Variants in IGF2BP3 observed in about 807,000 individuals in gnomAD.
The protein encoded by IGF2BP3 is insulin like growth factor 2 mRNA binding protein 3.
A neutral mutation model predicts 73.8 loss-of-function variants in IGF2BP3; 9 were observed. The observed-to-expected ratio is 0.12, with a 90% CI of 0.07 to 0.21. The LOEUF (loss-of-function observed/expected upper bound fraction) is 0.21. IGF2BP3 is among the 10% of genes least tolerant of loss of function. The pLI, the probability that IGF2BP3 is intolerant of heterozygous loss-of-function variation, is 1.00. For synonymous variants in IGF2BP3, 258 were observed against 256.7 expected (o/e 1.01, Z -0.05); for missense variants, 542 against 714.0 (o/e 0.76, Z 2.75).
intron 3 of IGF2BP3, among the ~76,000 whole-genome samples, chr7:23,405,561 G>C (rs1226787970): frequency 2.0e-5 from 3 of 152,232 alleles, no homozygotes; most frequent in African/African-American, 7.2e-5. Context: ...CAGAAGGTGA[G>C]AGGAGGTGAG....
chr7:23,381,852 C>A (rs997773954), intron 3 of IGF2BP3, among the ~76,000 whole-genome samples: 14 of 151,960 alleles, frequency 9.2e-5, no homozygotes, highest in African/African-American at 3.4e-4. Flanking sequence ...GGATTACAGG[C>A]TTGAGCCAAT....
intron 3 of IGF2BP3, among the ~76,000 whole-genome samples, chr7:23,394,169 T>C (rs1433048662): frequency 6.6e-6 from 1 of 152,182 alleles, no homozygotes; most frequent in African/African-American, 2.4e-5. Flanking sequence ...AAAAATCTAC[T>C]TCCCAAAATG....
At chr7:23,376,554 A>G (rs1348944306) in intron 3 of IGF2BP3, among the ~76,000 whole-genome samples, 1 of 147,416 alleles carries the variant, frequency 6.8e-6, no homozygotes, top group African/African-American at 2.6e-5. Flanking sequence ...AAAAAAAAAA[A>G]AAAAGAAAGA....
intron 5 of IGF2BP3, among the ~76,000 whole-genome samples, chr7:23,351,980 G>A (rs1784974677): frequency 6.6e-6 from 1 of 152,244 alleles, no homozygotes; most frequent in Admixed American, 6.5e-5. Context: ...CTTGGCTAAT[G>A]TTTCCAAACC....
At chr7:23,352,278 A>ATTTTTT (rs70966011) in intron 5 of IGF2BP3, among the ~76,000 whole-genome samples, 1 of 73,772 alleles carries the variant, frequency 1.4e-5, no homozygotes, top group Non-Finnish European at 2.5e-5. Context: ...TCTCTTTTTC[A>ATTTTTT]TTTTTTTTTT....
At chr7:23,343,656 G>A in intron 9 of IGF2BP3, 62 bp downstream of exon 9, 1 of 1,486,348 alleles carries the variant, frequency 6.7e-7, no homozygotes, top group Non-Finnish European at 9.3e-7. Context: ...TATTAATGCA[G>A]TTAAAAACAT....
intron 2 of IGF2BP3, among the ~76,000 whole-genome samples, chr7:23,446,987 G>A (rs988935418): frequency 6.6e-6 from 1 of 152,080 alleles, no homozygotes; most frequent in Non-Finnish European, 1.5e-5. Flanking sequence ...AGGATCACTT[G>A]AGGTCAGGAG....
chr7:23,443,974 A>T (rs1027575653), intron 2 of IGF2BP3, among the ~76,000 whole-genome samples: 1 of 152,210 alleles, frequency 6.6e-6, no homozygotes, highest in Non-Finnish European at 1.5e-5. Context: ...GCGCCACTGC[A>T]CTTCTGCCTG....
intron 9 of IGF2BP3, 121 bp from the exon 10 acceptor site, chr7:23,342,310 A>T: frequency 9.2e-7 from 1 of 1,082,722 alleles, no homozygotes; most frequent in Non-Finnish European, 1.4e-6. Flanking sequence ...GTATAACTCA[A>T]AGCAGATGTT....
At chr7:23,355,285 G>A (rs561758098) in intron 5 of IGF2BP3, among the ~76,000 whole-genome samples, 19 of 150,578 alleles carry the variant, frequency 1.3e-4, no homozygotes, top group African/African-American at 3.4e-4. Context: ...GCAATGACGC[G>A]ATCTCGGCTC....
At chr7:23,395,185 T>C (rs1054083851) in intron 3 of IGF2BP3, among the ~76,000 whole-genome samples, 1 of 152,214 alleles carries the variant, frequency 6.6e-6, no homozygotes, top group African/African-American at 2.4e-5. Flanking sequence ...AAAGTTTTTT[T>C]AATAAGAAAT....
intron 2 of IGF2BP3, among the ~76,000 whole-genome samples, chr7:23,447,260 T>C (rs1001089454): frequency 7.2e-5 from 11 of 151,940 alleles, no homozygotes; most frequent in South Asian, 4.2e-4. Flanking sequence ...TAAACCCACA[T>C]TGAGGGGCAT....
chr7:23,454,174 C>T (rs1176824477), intron 2 of IGF2BP3, among the ~76,000 whole-genome samples: 3 of 152,146 alleles, frequency 2.0e-5, no homozygotes. Context: ...TGAACTGCCA[C>T]TTCTCATCCT....
At chr7:23,451,330 A>T (rs1260399745) in intron 2 of IGF2BP3, among the ~76,000 whole-genome samples, 2 of 152,186 alleles carry the variant, frequency 1.3e-5, no homozygotes, top group African/African-American at 2.4e-5. Context: ...AGGCAGGAGA[A>T]TCGCTTGAAC....
At chr7:23,429,954 G>A (rs949129505) in intron 2 of IGF2BP3, among the ~76,000 whole-genome samples, 1 of 152,126 alleles carries the variant, frequency 6.6e-6, no homozygotes, top group Admixed American at 6.6e-5. Flanking sequence ...TTCTACCAAT[G>A]CTTACATACA....
At position 23,390,800 on chromosome 7, in the gene IGF2BP3, CT is replaced by C. The variant is rs1162886168; in HGVS notation, c.285+27975del. On this transcript the variant is annotated intron_variant, in intron 3 of 14. Transcript: ENST00000258729. The stretch of plus-strand genomic sequence containing the variant: ...TTTGTCACCTTGGATTTATTGTTGC[CT>C]TTTTTTTTTTTTTTTGAGACAGAGT... Among the ~76,000 whole-genome samples, 774 of 135,376 alleles carry C rather than the reference CT, an allele frequency of 5.7e-3. 4 individuals are homozygous for C. The highest frequency in any genetic ancestry group is 7.9e-3 in the African/African-American group (294 of 37,032). The allele number at this position is 135,376 out of a possible 152,430, so 88.8% of individuals were successfully genotyped here.
At chr7:23,421,878 G>A (rs756732231) in intron 2 of IGF2BP3, among the ~76,000 whole-genome samples, 32 of 151,856 alleles carry the variant, frequency 2.1e-4, no homozygotes, top group East Asian at 5.9e-4. Flanking sequence ...TCCGCCTCCC[G>A]GGCTCAAGGG....
chr7:23,436,618 T>G (rs758631888), intron 2 of IGF2BP3, among the ~76,000 whole-genome samples: 4 of 152,186 alleles, frequency 2.6e-5, no homozygotes, highest in African/African-American at 7.2e-5. Context: ...AAAAATATAA[T>G]TTAACTTTAC....
intron 2 of IGF2BP3, among the ~76,000 whole-genome samples, chr7:23,427,086 C>T (rs1354948651): frequency 3.3e-5 from 5 of 152,202 alleles, no homozygotes; most frequent in Non-Finnish European, 5.9e-5. Context: ...TCAGTTGTCT[C>T]GCTTCTTTCC....
Sources: gnomAD v4.1 joint callset for allele counts (sites outside exome capture counted in the v4.1 genomes callset) on GRCh38, gnomAD v4.1.1 for gene constraint, MANE v1.5 for transcripts, NCBI Gene and HGNC (gene_info 2026-07-23, HGNC 2026-07-21) for gene names.